HDAC9: variants seen among roughly 807,000 people sequenced by gnomAD.
HDAC9 encodes the protein MEF-2 interacting transcription repressor (MITR) protein.
HDAC9 carries 41 observed loss-of-function variants against 139.4 expected under a neutral mutation model. The observed-to-expected ratio is 0.29, with a 90% CI of 0.23 to 0.38. The LOEUF is 0.38. Ranked by LOEUF, HDAC9 falls within the 10% of genes least tolerant of loss-of-function variation. HDAC9 has a pLI of 1.00. For missense variants in HDAC9, 1,147 were observed against 1,297.0 expected (o/e 0.88, Z 1.78); for synonymous variants, 517 against 476.2 (o/e 1.09, Z -1.12).
At chr7:18,966,865 T>C (rs547273989) in intron 24 of HDAC9, among the ~76,000 whole-genome samples, 5 of 152,336 alleles carry the variant, frequency 3.3e-5, no homozygotes, top group African/African-American at 7.2e-5. Flanking sequence ...TTATTATACA[T>C]TGCAACTTCA....
chr7:18,216,187 A>T (rs1351634370), intron 2 of HDAC9, among the ~76,000 whole-genome samples: 1 of 151,884 alleles, frequency 6.6e-6, no homozygotes, highest in East Asian at 1.9e-4. Context: ...GAGATTGATT[A>T]ATTGGTTGAT....
chr7:18,989,376 T>C (rs1269062939), intron 25 of HDAC9, among the ~76,000 whole-genome samples: 2 of 152,072 alleles, frequency 1.3e-5, no homozygotes, highest in African/African-American at 4.8e-5. Flanking sequence ...TTCTTTAATA[T>C]TGACCCCCAC....
intron 2 of HDAC9, among the ~76,000 whole-genome samples, chr7:18,550,563 GAA>G (rs1816784643): frequency 6.6e-6 from 1 of 152,188 alleles, no homozygotes. Context: ...ATGGAATAAA[GAA>G]AGAGTTAAGT....
chr7:18,302,852 C>T (rs1290591059), intron 1 of HDAC9, among the ~76,000 whole-genome samples: 1 of 152,166 alleles, frequency 6.6e-6, no homozygotes, highest in African/African-American at 2.4e-5. Context: ...AGATATTAAA[C>T]AAATATTATT....
At chr7:18,686,761 A>G (rs1285605636) in intron 12 of HDAC9, among the ~76,000 whole-genome samples, 1 of 151,770 alleles carries the variant, frequency 6.6e-6, no homozygotes, top group Non-Finnish European at 1.5e-5. Context: ...TTCTCCGTAC[A>G]TAGTTATAGT....
chr7:18,878,196 T>TA (rs996509096), intron 22 of HDAC9, among the ~76,000 whole-genome samples: 42 of 152,016 alleles, frequency 2.8e-4, no homozygotes, highest in African/African-American at 7.0e-4. Flanking sequence ...CATTTTTTTT[T>TA]AAAAAAAAGC....
intron 21 of HDAC9, among the ~76,000 whole-genome samples, chr7:18,848,135 G>C (rs888049965): frequency 3.9e-5 from 6 of 152,052 alleles, no homozygotes; most frequent in African/African-American, 1.2e-4. Context: ...ACCATATTAG[G>C]AACCCAGGGA....
chr7:18,899,574 C>G (rs1157103239), intron 22 of HDAC9: 2 of 151,666 alleles, frequency 1.3e-5, no homozygotes, highest in Non-Finnish European at 2.9e-5. Context: ...TTGGTTTAGT[C>G]CAGTTAAAAT....
chr7:18,663,283 A>G (rs1175291529), intron 11 of HDAC9, among the ~76,000 whole-genome samples: 1 of 152,076 alleles, frequency 6.6e-6, no homozygotes, highest in Non-Finnish European at 1.5e-5. Context: ...GGAGGTTAGG[A>G]GGTTGAGACA....
chr7:18,309,006 T>G (rs570261912), intron 1 of HDAC9, among the ~76,000 whole-genome samples: 1 of 152,284 alleles, frequency 6.6e-6, no homozygotes, highest in South Asian at 2.1e-4. Flanking sequence ...CTCCAATTCC[T>G]TTGGAGAATA....
chr7:18,583,880 T>C (rs974797148), intron 2 of HDAC9, among the ~76,000 whole-genome samples: 4 of 152,210 alleles, frequency 2.6e-5, no homozygotes, highest in Non-Finnish European at 4.4e-5. Flanking sequence ...CTGGCCTCTT[T>C]TGAAAAGCCA....
chr7:18,192,979 T>C (rs939438311), intron 2 of HDAC9, among the ~76,000 whole-genome samples: 1 of 152,192 alleles, frequency 6.6e-6, no homozygotes, highest in Non-Finnish European at 1.5e-5. Context: ...TTTATTTGAG[T>C]GGGTCTCCTT....
chr7:18,569,063 T>TA lies in HDAC9; in HGVS notation c.23-16215dup, dbSNP rs150556087. ...ATTCTGTCTCAAAAAAATAAATAAA[T>TA]AAATAAAATAAAATAAAATTTGGCT... On this transcript the variant is annotated intron_variant, in intron 2 of 25. Transcript: ENST00000686413. 3.7e-3 allele frequency among the ~76,000 whole-genome samples: 566 copies of TA among 151,376 alleles called. 3 individuals are homozygous for TA. The highest frequency in any genetic ancestry group is 0.013 in the African/African-American group (533 of 41,302).
chr7:18,275,279 A>C (rs1796643900), intron 2 of HDAC9, among the ~76,000 whole-genome samples: 1 of 152,064 alleles, frequency 6.6e-6, no homozygotes, highest in South Asian at 2.1e-4. Context: ...ATTCCTTCTC[A>C]CTTTACAGCT....
At chr7:18,831,069 C>A (rs1416554659) in intron 19 of HDAC9, among the ~76,000 whole-genome samples, 1 of 151,206 alleles carries the variant, frequency 6.6e-6, no homozygotes, top group Non-Finnish European at 1.5e-5. Flanking sequence ...AAGAATTTTT[C>A]TAAGCTTTCT....
intron 1 of HDAC9, among the ~76,000 whole-genome samples, chr7:18,156,301 C>T (rs1316756613): frequency 6.6e-6 from 1 of 152,178 alleles, no homozygotes; most frequent in East Asian, 1.9e-4. Context: ...GTGACCCTAT[C>T]TTGGTCAACA....
At chr7:18,735,103 ATTTG>A (rs1786761993) in intron 13 of HDAC9, among the ~76,000 whole-genome samples, 1 of 152,052 alleles carries the variant, frequency 6.6e-6, no homozygotes, top group Non-Finnish European at 1.5e-5. Flanking sequence ...TTTCTTGTAA[ATTTG>A]TTTGAGTTAT....
chr7:18,585,585 G>T, intron 3 of HDAC9, 63 bp downstream of exon 3: 1 of 1,564,660 alleles, frequency 6.4e-7, no homozygotes, highest in Non-Finnish European at 8.7e-7. Context: ...GGCATGAACA[G>T]TGCCCATGGG....
chr7:18,265,989 C>G (rs1317806401), intron 2 of HDAC9, among the ~76,000 whole-genome samples: 1 of 152,132 alleles, frequency 6.6e-6, no homozygotes, highest in Non-Finnish European at 1.5e-5. Flanking sequence ...GAAGCTGACA[C>G]CATATCAATA....
Sources: gnomAD v4.1 joint callset for allele counts (sites outside exome capture counted in the v4.1 genomes callset) on GRCh38, gnomAD v4.1.1 for gene constraint, MANE v1.5 for transcripts, NCBI Gene and HGNC (gene_info 2026-07-23, HGNC 2026-07-21) for gene names.